The following GBE1 variants were observed in gnomAD, a reference collection of about 807,000 sequenced individuals.
The protein encoded by GBE1 is 1,4-alpha-glucan-branching enzyme.
Under a neutral mutation model 88.8 loss-of-function variants are expected in GBE1, and 70 were observed. That is an observed-to-expected ratio of 0.79 (90% CI 0.65 to 0.96). The LOEUF (loss-of-function observed/expected upper bound fraction) is 0.96. Among genes scored for constraint, GBE1 ranks in the 40% least tolerant of loss-of-function variants. GBE1 has a pLI of 0.00. For synonymous variants in GBE1, 284 were observed against 300.1 expected (o/e 0.95, Z 0.56); for missense variants, 872 against 871.0 (o/e 1.00, Z -0.01).
At chr3:81,639,923 G>A (rs1704646547) in intron 7 of GBE1, among the ~76,000 whole-genome samples, 1 of 152,138 alleles carries the variant, frequency 6.6e-6, no homozygotes, top group South Asian at 2.1e-4. Flanking sequence ...AAGAAGAGCA[G>A]TCCACACTGA....
intron 14 of GBE1, among the ~76,000 whole-genome samples, chr3:81,514,965 T>C (rs750468493): frequency 2.4e-4 from 36 of 151,490 alleles, no homozygotes; most frequent in Non-Finnish European, 4.9e-4. Context: ...CACACTGGTA[T>C]CAGGTATAAA....
chr3:81,574,126 A>G (rs1241813397), intron 12 of GBE1, among the ~76,000 whole-genome samples: 1 of 152,210 alleles, frequency 6.6e-6, no homozygotes, highest in African/African-American at 2.4e-5. Flanking sequence ...AAGAACATTG[A>G]TTTTTAACAA....
Position 81,537,007 on chromosome 3 carries a change from TA to T in GBE1, c.1706del (p.Leu569Ter), listed in dbSNP as rs1367364158. The T allele has an allele frequency of 6.3e-7, 1 of 1,590,834 alleles. No individual in the cohort carries two copies. The highest frequency in any genetic ancestry group is 1.8e-5 in the Admixed American group (1 of 56,476). On this transcript the variant is annotated frameshift_variant, in exon 13 of 16. Transcript: ENST00000429644. LOFTEE classifies it high-confidence loss of function. ...TGTAGCGAAGAAGGTCGTCGTCAGT[TA>T]AATGAAACTGCCGCCTGGCATAATG... ...SYHYARRQFH[L>X]TDDDLLRYKF...
Position 81,703,007 on chromosome 3 carries a change from G to A in GBE1, c.313+2437C>T, listed in dbSNP as rs537087985. 4.0e-5 allele frequency among the ~76,000 whole-genome samples: 6 copies of A among 151,860 alleles called. No individual in the cohort carries two copies. In the South Asian group the frequency reaches 1.2e-3, roughly 32 times the overall value. On this transcript the variant is annotated intron_variant, in intron 2 of 15. Transcript: ENST00000429644. ...ATTTCATCATAAATATGGGGGTGGG[G>A]GAACCAAATGCAACTATCAGATATT... is the stretch of plus-strand genomic sequence containing the variant.
intron 9 of GBE1, among the ~76,000 whole-genome samples, chr3:81,590,646 C>A (rs1307715059): frequency 6.6e-6 from 1 of 151,910 alleles, no homozygotes. Context: ...AGCTTGCAGG[C>A]AGCAATCCAT....
At chr3:81,527,544 C>T (rs1237060345) in intron 14 of GBE1, among the ~76,000 whole-genome samples, 1 of 152,126 alleles carries the variant, frequency 6.6e-6, no homozygotes, top group African/African-American at 2.4e-5. Context: ...ACCCCATCAA[C>T]AAATGGGCGA....
intron 1 of GBE1, among the ~76,000 whole-genome samples, chr3:81,748,197 A>C (rs945729067): frequency 1.3e-5 from 2 of 152,244 alleles, no homozygotes; most frequent in African/African-American, 4.8e-5. Flanking sequence ...TAAACATTTC[A>C]CCAAAGAAAA....
At chr3:81,712,357 T>G (rs1328724275) in intron 1 of GBE1, among the ~76,000 whole-genome samples, 1 of 152,172 alleles carries the variant, frequency 6.6e-6, no homozygotes, top group African/African-American at 2.4e-5. Flanking sequence ...ACATGTATGT[T>G]TATTGCAGCA....
At position 81,731,735 on chromosome 3, in the gene GBE1, C is replaced by T. The variant is rs1706189210; in HGVS notation, c.144-26122G>A. ...TCCTTTCACCCTCTTCCTCCTGCTC[C>T]AACCATGTAACACATGCCTCCTTCC... On this transcript the variant is annotated intron_variant, in intron 1 of 15. Transcript: ENST00000429644. Among the ~76,000 whole-genome samples the T allele has an allele frequency of 3.9e-5, 6 of 152,200 alleles. No homozygotes were observed. The South Asian group carries it at 1.2e-3, about 32-fold the overall frequency.
At chr3:81,673,671 A>G (rs1254889361) in intron 2 of GBE1, among the ~76,000 whole-genome samples, 2 of 152,064 alleles carry the variant, frequency 1.3e-5, no homozygotes, top group East Asian at 3.9e-4. Context: ...AAGTATTAAT[A>G]TTTGATAAAG....
intron 7 of GBE1, among the ~76,000 whole-genome samples, chr3:81,622,645 T>A (rs187779483): frequency 2.0e-5 from 3 of 152,204 alleles, no homozygotes; most frequent in African/African-American, 7.2e-5. Context: ...ATCTCGCACT[T>A]GTGATATCCA....
At chr3:81,563,227 C>T (rs1289314290) in intron 12 of GBE1, among the ~76,000 whole-genome samples, 4 of 152,066 alleles carry the variant, frequency 2.6e-5, no homozygotes, top group Non-Finnish European at 5.9e-5. Context: ...TTCTGGTAAC[C>T]TCTAGAAACT....
intron 5 of GBE1, 42 bp from the exon 6 acceptor site, chr3:81,646,524 T>C: frequency 9.1e-7 from 1 of 1,101,476 alleles, no homozygotes; most frequent in Non-Finnish European, 1.3e-6. Context: ...AAGCCACATT[T>C]AAAAAAAAAG....
chr3:81,650,188 GCTTA>G (rs1704825696), intron 3 of GBE1: 1 of 273,302 alleles, frequency 3.7e-6, no homozygotes, highest in African/African-American at 2.3e-5. Context: ...CCATAAGAGT[GCTTA>G]CTTAAACGAA....
chr3:81,702,379 G>C (rs1449245751), intron 2 of GBE1, among the ~76,000 whole-genome samples: 2 of 151,762 alleles, frequency 1.3e-5, no homozygotes, highest in Non-Finnish European at 2.9e-5. Context: ...AAAAAGTTGA[G>C]ATCCCATTCA....
chr3:81,737,648 T>C (rs1220370107), intron 1 of GBE1, among the ~76,000 whole-genome samples: 2 of 151,170 alleles, frequency 1.3e-5, no homozygotes, highest in African/African-American at 4.8e-5. Context: ...AAACTGGTAC[T>C]TTTATGTCTT....
chr3:81,687,855 C>T (rs1034636858), intron 2 of GBE1, among the ~76,000 whole-genome samples: 3 of 152,172 alleles, frequency 2.0e-5, no homozygotes, highest in African/African-American at 4.8e-5. Flanking sequence ...CATCGTAGAT[C>T]GAGACGCCCC....
intron 1 of GBE1, among the ~76,000 whole-genome samples, chr3:81,710,294 C>G (rs1207849827): frequency 2.5e-5 from 3 of 120,938 alleles, no homozygotes; most frequent in African/African-American, 9.9e-5. Flanking sequence ...GAGTGCAGTG[C>G]CGCGATCTCG....
At chr3:81,742,359 T>G (rs1263848561) in intron 1 of GBE1, among the ~76,000 whole-genome samples, 1 of 152,078 alleles carries the variant, frequency 6.6e-6, no homozygotes, top group Non-Finnish European at 1.5e-5. Flanking sequence ...ATGAACAACT[T>G]TAAAAGTTCA....
Sources: gnomAD v4.1 joint callset for allele counts (sites outside exome capture counted in the v4.1 genomes callset) on GRCh38, gnomAD v4.1.1 for gene constraint, MANE v1.5 for transcripts, NCBI Gene and HGNC (gene_info 2026-07-23, HGNC 2026-07-21) for gene names.